The following PTPRD variants were observed in gnomAD, a reference collection of about 807,000 sequenced individuals.
PTPRD encodes the protein receptor-type tyrosine-protein phosphatase delta.
In PTPRD, 34 loss-of-function variants were observed where a neutral mutation model predicts 214.5. That is an observed-to-expected ratio of 0.16 (90% CI 0.12 to 0.21). The LOEUF (loss-of-function observed/expected upper bound fraction) is 0.21. PTPRD is among the 10% of genes least tolerant of loss of function. The pLI is 1.00. For missense variants in PTPRD, 2,545 were observed against 2,398.7 expected (o/e 1.06, Z -1.27); for synonymous variants, 1,128 against 845.7 (o/e 1.33, Z -5.79).
At chr9:10,607,883 A>T (rs192841482) in intron 2 of PTPRD, among the ~76,000 whole-genome samples, 22 of 152,084 alleles carry the variant, frequency 1.4e-4, no homozygotes, top group Non-Finnish European at 3.2e-4. Context: ...TACAAGATCA[A>T]TGAAACTATT....
intron 6 of PTPRD, among the ~76,000 whole-genome samples, chr9:9,736,413 C>G (rs1259052155): frequency 6.6e-6 from 1 of 152,032 alleles, no homozygotes; most frequent in Non-Finnish European, 1.5e-5. Context: ...AAATATTCCA[C>G]AATTTACATA....
chr9:9,669,911 C>T (rs374437540), intron 7 of PTPRD, among the ~76,000 whole-genome samples: 9 of 152,242 alleles, frequency 5.9e-5, no homozygotes, highest in East Asian at 5.8e-4. Context: ...ATGACATCAA[C>T]GACTGTAAAG....
At chr9:8,440,100 C>CT (rs1349785198) in intron 34 of PTPRD, among the ~76,000 whole-genome samples, 2 of 151,326 alleles carry the variant, frequency 1.3e-5, no homozygotes, top group Non-Finnish European at 2.9e-5. Context: ...CCATTTATTC[C>CT]TTTTTTTCCC....
At chr9:8,821,694 C>T (rs896436811) in intron 11 of PTPRD, among the ~76,000 whole-genome samples, 1 of 152,184 alleles carries the variant, frequency 6.6e-6, no homozygotes, top group African/African-American at 2.4e-5. Flanking sequence ...GAAACAGAGT[C>T]TCGCTCTGTT....
At chr9:9,814,038 A>G (rs1295389890) in intron 5 of PTPRD, among the ~76,000 whole-genome samples, 2 of 152,166 alleles carry the variant, frequency 1.3e-5, no homozygotes, top group Non-Finnish European at 2.9e-5. Context: ...AACAGAATGA[A>G]GGATAAATAT....
chr9:9,309,207 C>T (rs1003332106), intron 9 of PTPRD, among the ~76,000 whole-genome samples: 3 of 151,768 alleles, frequency 2.0e-5, no homozygotes, highest in Non-Finnish European at 4.4e-5. Flanking sequence ...CCTGCCTGAA[C>T]TGTATGTTTT....
At chr9:8,630,776 C>T (rs2096228873) in intron 14 of PTPRD, among the ~76,000 whole-genome samples, 1 of 151,764 alleles carries the variant, frequency 6.6e-6, no homozygotes, top group South Asian at 2.1e-4. Context: ...GATGAAACTC[C>T]AGCCAACTGA....
At chr9:8,643,251 C>A (rs1460399908) in intron 12 of PTPRD, among the ~76,000 whole-genome samples, 2 of 151,906 alleles carry the variant, frequency 1.3e-5, no homozygotes, top group Admixed American at 6.6e-5. Context: ...TTTAATATAT[C>A]TTATATACGG....
At chr9:10,538,238 TAAAATAAATAAA>T (rs2058288882) in intron 2 of PTPRD, among the ~76,000 whole-genome samples, 2 of 108,220 alleles carry the variant, frequency 1.8e-5, no homozygotes, top group Non-Finnish European at 3.6e-5. Context: ...AGCCTCATCA[TAAAATAAATAAA>T]TAAATAAATA....
intron 7 of PTPRD, among the ~76,000 whole-genome samples, chr9:9,684,712 T>C (rs945107485): frequency 7.3e-6 from 1 of 136,128 alleles, no homozygotes; most frequent in African/African-American, 2.6e-5. Flanking sequence ...TGTGTGTGTA[T>C]GTGTGTGTGT....
At chr9:9,433,372 G>T (rs1446697090) in intron 8 of PTPRD, among the ~76,000 whole-genome samples, 1 of 152,156 alleles carries the variant, frequency 6.6e-6, no homozygotes, top group African/African-American at 2.4e-5. Flanking sequence ...TTTATAATGA[G>T]TATTGCAGAA....
chr9:9,120,719 C>T (rs77441735), intron 10 of PTPRD, among the ~76,000 whole-genome samples: 6,857 of 152,208 alleles, frequency 0.045, 326 homozygotes, highest in African/African-American at 0.11. Flanking sequence ...CCTGTATATT[C>T]ATAACTTTAA....
intron 3 of PTPRD, among the ~76,000 whole-genome samples, chr9:10,192,641 A>G (rs1018676091): frequency 6.6e-6 from 1 of 152,056 alleles, no homozygotes; most frequent in Non-Finnish European, 1.5e-5. Flanking sequence ...GGAAGACCAG[A>G]GACATTGAAC....
intron 2 of PTPRD, among the ~76,000 whole-genome samples, chr9:10,484,074 T>C (rs985473470): frequency 4.6e-5 from 7 of 151,868 alleles, no homozygotes; most frequent in East Asian, 1.9e-4. Flanking sequence ...TGTGTAAACA[T>C]ACACACACAC....
intron 35 of PTPRD, among the ~76,000 whole-genome samples, chr9:8,425,276 G>A (rs890350979): frequency 2.0e-5 from 3 of 152,102 alleles, no homozygotes; most frequent in South Asian, 2.1e-4. Flanking sequence ...AAACATAGAC[G>A]TACTCATTTG....
At chr9:9,573,415 T>TAA (rs1563781044) in intron 8 of PTPRD, among the ~76,000 whole-genome samples, 1 of 149,904 alleles carries the variant, frequency 6.7e-6, no homozygotes, top group African/African-American at 2.4e-5. Context: ...TGTTCTTTTT[T>TAA]TAAAAAAAAA....
chr9:8,782,722 G>T (rs528297242), intron 11 of PTPRD, among the ~76,000 whole-genome samples: 3 of 150,946 alleles, frequency 2.0e-5, no homozygotes, highest in Admixed American at 6.6e-5. Context: ...CTCAGCCTCC[G>T]GAGTAGCTGG....
intron 3 of PTPRD, among the ~76,000 whole-genome samples, chr9:10,272,094 TC>T (rs530795425): frequency 1.2e-4 from 18 of 152,176 alleles, no homozygotes; most frequent in South Asian, 4.1e-4. Flanking sequence ...ACTCATCATT[TC>T]CCCCTAATCC....
chr9:8,404,712 G>C (rs757673936), intron 35 of PTPRD, 52 bp from the exon 36 acceptor site: 4 of 1,553,472 alleles, frequency 2.6e-6, no homozygotes, highest in East Asian at 2.3e-5. Context: ...AAAACCACCA[G>C]ATTATAGGCA....
Sources: allele counts gnomAD v4.1 joint callset (sites outside exome capture counted in the v4.1 genomes callset), GRCh38; gene constraint gnomAD v4.1.1; transcripts MANE v1.5; gene names NCBI Gene and HGNC (gene_info 2026-07-23, HGNC 2026-07-21).